ZNF804B: variants seen among roughly 807,000 people sequenced by gnomAD.
The protein encoded by ZNF804B is zinc finger protein 804B, also known as zinc finger 804B.
In ZNF804B, 80 loss-of-function variants were observed where a neutral mutation model predicts 101.4. That is an observed-to-expected ratio of 0.79 (90% CI 0.66 to 0.95). ZNF804B has a LOEUF of 0.95. Among genes scored for constraint, ZNF804B ranks in the 40% least tolerant of loss-of-function variants. ZNF804B has a pLI of 0.00. For missense variants in ZNF804B, 1,673 were observed against 1,561.9 expected (o/e 1.07, Z -1.20); for synonymous variants, 622 against 558.8 (o/e 1.11, Z -1.59).
chr7:88,862,002 C>T (rs1006756731), intron 1 of ZNF804B, among the ~76,000 whole-genome samples: 1 of 152,194 alleles, frequency 6.6e-6, no homozygotes, highest in Non-Finnish European at 1.5e-5. Context: ...ATCACTTCAA[C>T]ATCTCCCATC....
At chr7:89,318,726 C>G (rs1354125227) in intron 2 of ZNF804B, among the ~76,000 whole-genome samples, 6 of 152,176 alleles carry the variant, frequency 3.9e-5, no homozygotes, top group African/African-American at 1.4e-4. Context: ...GGTGCCACTG[C>G]ATTCCAGCCT....
intron 1 of ZNF804B, among the ~76,000 whole-genome samples, chr7:88,925,712 A>G (rs1792787236): frequency 6.6e-6 from 1 of 152,210 alleles, no homozygotes; most frequent in Admixed American, 6.5e-5. Context: ...TAGCTGCAGC[A>G]GCCGGCTTTG....
chr7:88,838,228 A>G lies in ZNF804B; in HGVS notation c.108+78144A>G, dbSNP rs1791244718. ...CGCTCAATTCTTTTGTTTGTAAGGA[A>G]AGTACAATAAGATAAATACTATTAT... On this transcript the variant is annotated intron_variant, in intron 1 of 3. Coordinates refer to ENST00000333190, the MANE Select transcript of ZNF804B (RefSeq NM_181646.5). 2.0e-5 allele frequency among the ~76,000 whole-genome samples: 3 copies of G among 152,006 alleles called. No homozygotes were observed. In the South Asian group the frequency reaches 6.2e-4, roughly 31 times the overall value.
chr7:88,982,489 T>G (rs944623951), intron 1 of ZNF804B, among the ~76,000 whole-genome samples: 2 of 152,130 alleles, frequency 1.3e-5, no homozygotes, highest in Non-Finnish European at 2.9e-5. Context: ...ATTGGAAGTT[T>G]TACTTTTAAT....
intron 1 of ZNF804B, among the ~76,000 whole-genome samples, chr7:89,080,557 G>T (rs979679863): frequency 1.1e-4 from 16 of 151,934 alleles, no homozygotes; most frequent in African/African-American, 3.6e-4. Context: ...ATTAGTAAAG[G>T]TTATGATCTG....
At chr7:89,093,866 C>T (rs1290544331) in intron 1 of ZNF804B, among the ~76,000 whole-genome samples, 1 of 152,118 alleles carries the variant, frequency 6.6e-6, no homozygotes, top group Non-Finnish European at 1.5e-5. Flanking sequence ...AGCAAATGAC[C>T]ACAATTTACC....
chr7:89,203,016 C>T (rs1252775802), intron 1 of ZNF804B, among the ~76,000 whole-genome samples: 2 of 152,030 alleles, frequency 1.3e-5, no homozygotes, highest in Non-Finnish European at 2.9e-5. Context: ...AGCACACACA[C>T]ACACATACAC....
intron 1 of ZNF804B, among the ~76,000 whole-genome samples, chr7:88,799,003 T>G (rs1482930719): frequency 6.6e-6 from 1 of 152,136 alleles, no homozygotes; most frequent in Non-Finnish European, 1.5e-5. Context: ...AGAACCTTAA[T>G]AGAAGCTTAG....
intron 2 of ZNF804B, among the ~76,000 whole-genome samples, chr7:89,318,702 C>T (rs1472396523): frequency 6.6e-6 from 1 of 152,154 alleles, no homozygotes; most frequent in African/African-American, 2.4e-5. Context: ...GCAGAGGTTG[C>T]AGTGACCTGA....
chr7:89,119,061 T>G (rs1409735295), intron 1 of ZNF804B, among the ~76,000 whole-genome samples: 2 of 152,186 alleles, frequency 1.3e-5, no homozygotes, highest in East Asian at 3.9e-4. Context: ...TTCATCATCA[T>G]TAGACTGAGT....
chr7:89,219,603 G>T (rs1269483301), intron 2 of ZNF804B, among the ~76,000 whole-genome samples: 1 of 151,404 alleles, frequency 6.6e-6, no homozygotes, highest in African/African-American at 2.4e-5. Flanking sequence ...TTGAGGTATG[G>T]CGATACTGGC....
chr7:88,822,727 G>C (rs1372987819), intron 1 of ZNF804B, among the ~76,000 whole-genome samples: 2 of 152,096 alleles, frequency 1.3e-5, no homozygotes, highest in African/African-American at 2.4e-5. Context: ...CTCTGTTCAT[G>C]GCCACTAGTA....
chr7:88,873,386 T>C (rs908133670), intron 1 of ZNF804B, among the ~76,000 whole-genome samples: 2 of 152,204 alleles, frequency 1.3e-5, no homozygotes, highest in South Asian at 2.1e-4. Flanking sequence ...GTCAGATGAG[T>C]AGGTTGTGAA....
At chr7:88,815,964 G>A (rs539107348) in intron 1 of ZNF804B, among the ~76,000 whole-genome samples, 2 of 152,146 alleles carry the variant, frequency 1.3e-5, no homozygotes, top group South Asian at 4.2e-4. Flanking sequence ...CTTGGTTTCT[G>A]TCACCCCGTA....
At chr7:89,155,885 TTC>T (rs577175566) in intron 1 of ZNF804B, among the ~76,000 whole-genome samples, 5 of 152,108 alleles carry the variant, frequency 3.3e-5, no homozygotes, top group South Asian at 2.1e-4. Flanking sequence ...TCCTCCTTCC[TTC>T]TCTCTCTTTC....
intron 2 of ZNF804B, 101 bp downstream of exon 2, chr7:89,218,396 G>A: frequency 1.5e-6 from 2 of 1,354,874 alleles, no homozygotes; most frequent in Non-Finnish European, 2.0e-6. Context: ...AGACTGTGAG[G>A]TAAGAACATT....
chr7:89,208,447 A>G (rs1788750655), intron 1 of ZNF804B, among the ~76,000 whole-genome samples: 1 of 152,224 alleles, frequency 6.6e-6, no homozygotes, highest in African/African-American at 2.4e-5. Flanking sequence ...TGTGCAATGT[A>G]GCATCTGTAT....
At chr7:89,148,320 T>C (rs1331186981) in intron 1 of ZNF804B, among the ~76,000 whole-genome samples, 1 of 152,128 alleles carries the variant, frequency 6.6e-6, no homozygotes, top group African/African-American at 2.4e-5. Context: ...TATTATTTAA[T>C]CATATTAGTT....
chr7:89,032,640 C>T (rs1788855921), intron 1 of ZNF804B, among the ~76,000 whole-genome samples: 1 of 152,034 alleles, frequency 6.6e-6, no homozygotes, highest in Non-Finnish European at 1.5e-5. Context: ...ATACCTGCAT[C>T]ATTGGTGAAG....
Sources: gnomAD v4.1 joint callset for allele counts (sites outside exome capture counted in the v4.1 genomes callset) on GRCh38, gnomAD v4.1.1 for gene constraint, MANE v1.5 for transcripts, NCBI Gene and HGNC (gene_info 2026-07-23, HGNC 2026-07-21) for gene names.